CACNA2D2: variants seen among roughly 807,000 people sequenced by gnomAD.
The protein encoded by CACNA2D2 is voltage-dependent calcium channel subunit alpha-2/delta-2.
A neutral mutation model predicts 166.4 loss-of-function variants in CACNA2D2; 48 were observed. That is an observed-to-expected ratio of 0.29 (90% CI 0.23 to 0.37). CACNA2D2 has a LOEUF of 0.37. CACNA2D2 is among the 10% of genes least tolerant of loss of function. The pLI, the probability that CACNA2D2 is intolerant of heterozygous loss-of-function variation, is 1.00. For missense variants in CACNA2D2, 1,122 were observed against 1,433.0 expected (o/e 0.78, Z 3.50); for synonymous variants, 561 against 573.7 (o/e 0.98, Z 0.32).
chr3:50,441,614 C>CT (rs1184089452), intron 2 of CACNA2D2, among the ~76,000 whole-genome samples: 1 of 152,276 alleles, frequency 6.6e-6, no homozygotes, highest in Admixed American at 6.5e-5. Context: ...AGGCACCACC[C>CT]ACCAGAGACA....
At chr3:50,450,046 C>G (rs968726981) in intron 2 of CACNA2D2, among the ~76,000 whole-genome samples, 1 of 152,182 alleles carries the variant, frequency 6.6e-6, no homozygotes. Flanking sequence ...TTGTGAGCCC[C>G]AAGCCACAGA....
rs1342916436 is a variant in CACNA2D2, at chr3:50,424,136, T to C, written c.405+10177A>G. Among the ~76,000 whole-genome samples, 3 of 152,182 alleles carry C rather than the reference T, an allele frequency of 2.0e-5. No homozygotes were observed. In the East Asian group the frequency reaches 5.8e-4, roughly 29 times the overall value. The stretch of plus-strand genomic sequence containing the variant: ...TGCCAAGGGCTCAGTGCTGCTCAAG[T>C]GTGAGTGGGGGATGCAGCACAGGGT... On this transcript the variant is annotated intron_variant, in intron 3 of 37. Transcript: ENST00000424201.
chr3:50,469,480 A>G (rs1361144440), intron 2 of CACNA2D2, among the ~76,000 whole-genome samples: 4 of 152,102 alleles, frequency 2.6e-5, no homozygotes, highest in Non-Finnish European at 4.4e-5. Flanking sequence ...GGGCATGTGA[A>G]CTTTTCTAAA....
intron 1 of CACNA2D2, among the ~76,000 whole-genome samples, chr3:50,479,137 C>T: frequency 6.6e-6 from 1 of 152,216 alleles, no homozygotes; most frequent in East Asian, 1.9e-4. Flanking sequence ...AAAGTCCAAT[C>T]CTTCCCCAAG....
intron 13 of CACNA2D2, 100 bp downstream of exon 13, chr3:50,378,815 G>T: frequency 7.1e-7 from 1 of 1,399,952 alleles, no homozygotes; most frequent in Non-Finnish European, 1.0e-6. Flanking sequence ...CTTGCAGCGG[G>T]TGAACACACA....
Position 50,380,934 on chromosome 3 carries a change from G to A in CACNA2D2, c.784+61C>T, listed in dbSNP as rs587725829. 2 of 1,599,230 alleles carry A rather than the reference G, an allele frequency of 1.3e-6. No homozygotes were observed. The highest frequency in any genetic ancestry group is 2.2e-5 in the South Asian group (2 of 89,152). ...CCCGCCCCATGCCCCCAGGATGGGT[G>A]GGCTGGTAGATGGAGAAAGGCGAGG... On this transcript the variant is annotated intron_variant, in intron 7 of 37. Coordinates refer to ENST00000424201, the MANE Select transcript of CACNA2D2 (RefSeq NM_006030.4). This position sits in a 1 kb window ranked among gnomAD's most constrained non-coding sequence, Gnocchi z 4.9.
At chr3:50,479,460 A>C (rs544549046) in intron 1 of CACNA2D2, among the ~76,000 whole-genome samples, 1 of 152,262 alleles carries the variant, frequency 6.6e-6, no homozygotes, top group Non-Finnish European at 1.5e-5. Context: ...TGTGTCTCAG[A>C]GTTAAAAGAA....
At chr3:50,407,930 AG>A (rs1706802285) in intron 3 of CACNA2D2, among the ~76,000 whole-genome samples, 2 of 152,202 alleles carry the variant, frequency 1.3e-5, no homozygotes, top group South Asian at 2.1e-4. Context: ...GAGCTGATTT[AG>A]GCCTTCGATT....
rs1207781089 is a variant in CACNA2D2, at chr3:50,422,676, G to A, written c.405+11637C>T. 2.0e-5 allele frequency among the ~76,000 whole-genome samples: 3 copies of A among 152,184 alleles called. No individual in the cohort carries two copies. In the East Asian group the frequency reaches 5.8e-4, roughly 29 times the overall value. ...CAGTCCTACCAGGTGGACTCTTACT[G>A]CCCATCTACAGATGGGGAAACTGGG... On this transcript the variant is annotated intron_variant, in intron 3 of 37. Transcript: ENST00000424201.
chr3:50,374,792 G>A lies in CACNA2D2; in HGVS notation c.1929C>T (p.Pro643=). The change falls in exon 22 of 38, where the codon CCC becomes CCT. Residue 643 remains proline, a synonymous_variant. Coordinates refer to ENST00000424201, the MANE Select transcript of CACNA2D2 (RefSeq NM_006030.4). ...TNYSLGLVLP[P]YSTFYLQANL... is the part of the protein sequence containing the mutation. ...TGGCTTGGAGGTAGAAGGTGCTGTAGGGTGGGAGCACCAGCCCCAGGCTGA... is the reference window on the plus strand; with the variant it reads ...TGGCTTGGAGGTAGAAGGTGCTGTAAGGTGGGAGCACCAGCCCCAGGCTGA... 6.3e-7 allele frequency: 1 copy of A among 1,595,444 alleles called. No individual in the cohort carries two copies. The highest frequency in any genetic ancestry group is 8.5e-7 in the Non-Finnish European group (1 of 1,171,976).
chr3:50,441,301 T>A (rs1226769588), intron 2 of CACNA2D2, among the ~76,000 whole-genome samples: 1 of 152,186 alleles, frequency 6.6e-6, no homozygotes, highest in Non-Finnish European at 1.5e-5. Flanking sequence ...GCCTCCCTGT[T>A]TTTAAAGTTA....
Position 50,363,178 on chromosome 3 carries a change from C to A in CACNA2D2, c.*1488G>T. On this transcript the variant is annotated 3_prime_UTR_variant, in exon 38 of 38. Transcript: ENST00000424201. Reference sequence around the variant, plus strand: ...AGCACCTGACTACACTACAGTTACACGCACGCCCCCGAAGGACACAGCTGG... The same window carrying A: ...AGCACCTGACTACACTACAGTTACAAGCACGCCCCCGAAGGACACAGCTGG... The A allele has an allele frequency of 2.5e-6, 1 of 398,926 alleles. No individual in the cohort carries two copies. 24.7% of individuals were successfully genotyped at this position (398,926 alleles called of 1,614,324 possible).
intron 2 of CACNA2D2, among the ~76,000 whole-genome samples, chr3:50,445,023 T>C (rs565035773): frequency 2.6e-5 from 4 of 152,154 alleles, no homozygotes; most frequent in Non-Finnish European, 5.9e-5. Context: ...AAAGGTACCA[T>C]AGCCTAGATG....
intron 3 of CACNA2D2, among the ~76,000 whole-genome samples, chr3:50,430,112 T>C (rs1162354807): frequency 1.3e-5 from 2 of 152,146 alleles, no homozygotes; most frequent in Admixed American, 1.3e-4. Context: ...TCTGGTTTGT[T>C]TGAGGAAGGA....
Position 50,428,910 on chromosome 3 carries a change from G to A in CACNA2D2, c.405+5403C>T, listed in dbSNP as rs556064691. 2.0e-5 allele frequency among the ~76,000 whole-genome samples: 3 copies of A among 152,340 alleles called. No homozygotes were observed. In the South Asian group the frequency reaches 6.2e-4, roughly 32 times the overall value. ...CAGTGGCTGGGGAGCCATTTGTGGGGTCTGGAGCCCAACTATCTGGATTTA... is the reference window on the plus strand; with the variant it reads ...CAGTGGCTGGGGAGCCATTTGTGGGATCTGGAGCCCAACTATCTGGATTTA... On this transcript the variant is annotated intron_variant, in intron 3 of 37. Transcript: ENST00000424201.
chr3:50,367,967 C>A lies in CACNA2D2; in HGVS notation c.2144-65G>T. 1 of 1,313,184 alleles carries A rather than the reference C, an allele frequency of 7.6e-7. No individual in the cohort carries two copies. The highest frequency in any genetic ancestry group is 1.2e-5 in the South Asian group (1 of 82,200). The allele number at this position is 1,313,184 out of a possible 1,614,324, so 81.3% of individuals were successfully genotyped here. A position where few individuals can be genotyped will look rare whatever the true frequency, so the allele number is the denominator to read the frequency against. On this transcript the variant is annotated intron_variant, in intron 24 of 37. Coordinates refer to ENST00000424201, the MANE Select transcript of CACNA2D2 (RefSeq NM_006030.4). The surrounding 1 kb of genome is among the most constrained non-coding windows in gnomAD (Gnocchi z 6.5). ...TTGCAGCTCCTTGCCCACCCTCACC[C>A]CCACCCTTAAGGCTCCACCAGGAGC...
chr3:50,395,568 C>G (rs1001332923), intron 3 of CACNA2D2, among the ~76,000 whole-genome samples: 8 of 152,254 alleles, frequency 5.3e-5, no homozygotes, highest in Non-Finnish European at 1.2e-4. Flanking sequence ...ACCTCACCCC[C>G]ATCCTTGAGT....
At chr3:50,487,866 C>A (rs964116569) in intron 1 of CACNA2D2, among the ~76,000 whole-genome samples, 1 of 152,158 alleles carries the variant, frequency 6.6e-6, no homozygotes, top group African/African-American at 2.4e-5. Context: ...CTCATTCATT[C>A]ATTCCGATAG....
chr3:50,405,095 A>C (rs142995030), intron 3 of CACNA2D2, among the ~76,000 whole-genome samples: 2 of 152,300 alleles, frequency 1.3e-5, no homozygotes, highest in East Asian at 3.9e-4. Context: ...AACATTAGGA[A>C]TCTAATCAGT....
Sources: gnomAD v4.1 joint callset for allele counts (sites outside exome capture counted in the v4.1 genomes callset) on GRCh38, gnomAD v4.1.1 for gene constraint, Gnocchi (gnomAD v3.1) non-coding constraint, MANE v1.5 for transcripts, NCBI Gene and HGNC (gene_info 2026-07-23, HGNC 2026-07-21) for gene names.